FGF12: variants seen among roughly 807,000 people sequenced by gnomAD.
The protein encoded by FGF12 is fibroblast growth factor 12, also known as fibroblast growth factor 12B.
Under a neutral mutation model 23.6 loss-of-function variants are expected in FGF12, and 14 were observed. That is an observed-to-expected ratio of 0.59 (90% CI 0.39 to 0.93). The LOEUF (loss-of-function observed/expected upper bound fraction) is 0.93. Ranked by LOEUF, FGF12 falls within the 40% of genes least tolerant of loss-of-function variation. The pLI is 0.00. For synonymous variants in FGF12, 62 were observed against 77.3 expected (o/e 0.80, Z 1.04); for missense variants, 175 against 217.8 (o/e 0.80, Z 1.24).
chr3:192,217,979 G>T lies in FGF12; in HGVS notation c.229-47323C>A, dbSNP rs150160156. Among the ~76,000 whole-genome samples the T allele has an allele frequency of 7.4e-3, 1,123 of 152,144 alleles. 12 individuals carry two copies. Among genetic ancestry groups the T allele is most frequent in the African/African-American group, 0.026 (1,077 of 41,518 alleles). On this transcript the variant is annotated intron_variant, in intron 4 of 5. Coordinates refer to ENST00000445105, the MANE Select transcript of FGF12 (RefSeq NM_004113.6). ...ATCCTCCCGAGTAGCTGGGATTACA[G>T]ACGTGTGCCACCATGCCCAGCTAAG...
At chr3:192,257,212 G>A (rs1202146164) in intron 4 of FGF12, among the ~76,000 whole-genome samples, 1 of 152,076 alleles carries the variant, frequency 6.6e-6, no homozygotes, top group Non-Finnish European at 1.5e-5. Context: ...TCTTTTGGGG[G>A]TAATTTTATC....
At chr3:192,721,593 A>C (rs867301883) in intron 2 of FGF12, among the ~76,000 whole-genome samples, 9 of 152,200 alleles carry the variant, frequency 5.9e-5, no homozygotes, top group Admixed American at 6.5e-5. Flanking sequence ...CAGTAGCACA[A>C]AACACCAAAC....
chr3:192,680,325 G>A (rs989501076), intron 2 of FGF12, among the ~76,000 whole-genome samples: 1 of 152,198 alleles, frequency 6.6e-6, no homozygotes, highest in Non-Finnish European at 1.5e-5. Flanking sequence ...GAAGGAAATG[G>A]TGCAAAGGGC....
rs554891179 is a variant in FGF12, at chr3:192,377,231, T to G, written c.14-16693A>C. Among the ~76,000 whole-genome samples, 85 of 152,344 alleles carry G rather than the reference T, an allele frequency of 5.6e-4. 1 individual carries two copies. The highest frequency in any genetic ancestry group is 1.9e-3 in the African/African-American group (81 of 41,576). On this transcript the variant is annotated intron_variant, in intron 2 of 5. Transcript: ENST00000445105. ...CACTGTCTCTGTACAGGCCCCTGCC[T>G]GCCTCACACGGGTCTGACACCCAGT...
intron 4 of FGF12, among the ~76,000 whole-genome samples, chr3:192,329,718 TAA>T (rs2108690637): frequency 6.6e-6 from 1 of 152,296 alleles, no homozygotes; most frequent in Admixed American, 6.5e-5. Context: ...CAAAAACTTT[TAA>T]AACTCAAAAA....
intron 4 of FGF12, among the ~76,000 whole-genome samples, chr3:192,175,983 AGTC>A (rs1715835269): frequency 1.3e-5 from 2 of 152,164 alleles, no homozygotes; most frequent in African/African-American, 4.8e-5. Flanking sequence ...TTTCCTCTCT[AGTC>A]AGCCTCTAAC....
At chr3:192,532,504 G>A (rs1016172933) in intron 2 of FGF12, among the ~76,000 whole-genome samples, 1 of 151,272 alleles carries the variant, frequency 6.6e-6, no homozygotes, top group Admixed American at 6.6e-5. Context: ...TTTATTTTTT[G>A]TAGCTGTTTT....
chr3:192,499,337 C>T (rs2108831509), intron 2 of FGF12, among the ~76,000 whole-genome samples: 1 of 150,978 alleles, frequency 6.6e-6, no homozygotes, highest in Admixed American at 6.6e-5. Flanking sequence ...TCTACAAATC[C>T]CAAGTGTACT....
At chr3:192,506,743 A>G (rs1441037256) in intron 2 of FGF12, among the ~76,000 whole-genome samples, 1 of 152,026 alleles carries the variant, frequency 6.6e-6, no homozygotes, top group African/African-American at 2.4e-5. Context: ...GATTCTATTT[A>G]TAATTTGCTA....
In FGF12 at chr3:192,601,508, T is replaced by C. The variant is rs573305042; in HGVS notation, c.13+125673A>G. 2.0e-5 allele frequency among the ~76,000 whole-genome samples: 3 copies of C among 152,252 alleles called. No homozygotes were observed. The South Asian group carries it at 6.2e-4, about 32-fold the overall frequency. Reference sequence around the variant, plus strand: ...TATCTTAATTACCCTTCTCTGATCATATACATTACATGTATTGCAAAATCA... The same window carrying C: ...TATCTTAATTACCCTTCTCTGATCACATACATTACATGTATTGCAAAATCA... On this transcript the variant is annotated intron_variant, in intron 2 of 5. Coordinates refer to ENST00000445105, the MANE Select transcript of FGF12 (RefSeq NM_004113.6).
chr3:192,194,218 T>C (rs753849674), intron 4 of FGF12, among the ~76,000 whole-genome samples: 2 of 152,228 alleles, frequency 1.3e-5, no homozygotes, highest in Non-Finnish European at 2.9e-5. Flanking sequence ...TAGCTCATTA[T>C]GCTTATCTTG....
At chr3:192,641,271 AATTTTTTGT>A (rs1403767947) in intron 2 of FGF12, among the ~76,000 whole-genome samples, 4 of 92,512 alleles carry the variant, frequency 4.3e-5, no homozygotes, top group African/African-American at 1.6e-4. Flanking sequence ...ACGCCCGCCT[AATTTTTTGT>A]ATTTTTAGTA....
At chr3:192,224,855 G>A (rs1056333519) in intron 4 of FGF12, among the ~76,000 whole-genome samples, 1 of 152,054 alleles carries the variant, frequency 6.6e-6, no homozygotes, top group African/African-American at 2.4e-5. Flanking sequence ...CTCTTCTTAC[G>A]CTAGTAGGTT....
intron 2 of FGF12, among the ~76,000 whole-genome samples, chr3:192,361,333 C>T (rs1718716784): frequency 6.6e-6 from 1 of 152,078 alleles, no homozygotes. Flanking sequence ...ATATTTAAAG[C>T]TTTCTCATCG....
intron 2 of FGF12, among the ~76,000 whole-genome samples, chr3:192,524,768 T>TC (rs1474936261): frequency 6.6e-6 from 1 of 152,224 alleles, no homozygotes; most frequent in Non-Finnish European, 1.5e-5. Context: ...CTCTCTTTTT[T>TC]CCCTTCCACA....
rs569757590 is a variant in FGF12 at position 192,514,807 on chromosome 3, T to C, written c.14-154269A>G. ...TCAACTCCCCGCCCACCTGCGCTAG[T>C]AGTCCAACCAACAGGCGGCCTGTCT... On this transcript the variant is annotated intron_variant, in intron 2 of 5. Transcript: ENST00000445105. The surrounding 1 kb of genome is among the most constrained non-coding windows in gnomAD (Gnocchi z 4.9). The C allele has an allele frequency of 4.1e-6, 4 of 985,352 alleles. No homozygotes were observed. The East Asian group carries it at 4.6e-4, about 112-fold the overall frequency. 61.0% of individuals were successfully genotyped at this position (985,352 alleles called of 1,614,324 possible). A position where few individuals can be genotyped will look rare whatever the true frequency, so the allele number is the denominator to read the frequency against.
intron 2 of FGF12, among the ~76,000 whole-genome samples, chr3:192,424,785 C>T (rs755581401): frequency 3.9e-5 from 6 of 152,084 alleles, no homozygotes; most frequent in African/African-American, 7.2e-5. Context: ...AACACACACA[C>T]GTATCTTTAC....
At chr3:192,667,609 A>T (rs1395234262) in intron 2 of FGF12, among the ~76,000 whole-genome samples, 1 of 38,162 alleles carries the variant, frequency 2.6e-5, no homozygotes, top group African/African-American at 1.3e-4. Flanking sequence ...AGACTCCGTA[A>T]AAAAAAAAAA....
At chr3:192,298,542 C>G (rs140899955) in intron 4 of FGF12, among the ~76,000 whole-genome samples, 1 of 152,100 alleles carries the variant, frequency 6.6e-6, no homozygotes, top group African/African-American at 2.4e-5. Context: ...CACTTGAGGT[C>G]AGGAGTTCAA....
Sources: allele counts gnomAD v4.1 joint callset (sites outside exome capture counted in the v4.1 genomes callset), GRCh38; gene constraint gnomAD v4.1.1; non-coding constraint Gnocchi (gnomAD v3.1); transcripts MANE v1.5; gene names NCBI Gene and HGNC (gene_info 2026-07-23, HGNC 2026-07-21).